The following PTPRK variants were observed in gnomAD, a reference collection of about 807,000 sequenced individuals.
PTPRK encodes protein tyrosine phosphatase receptor type K.
Under a neutral mutation model 178.0 loss-of-function variants are expected in PTPRK, and 75 were observed. The ratio of observed to expected loss-of-function variants is 0.42; its 90% confidence interval spans 0.35 to 0.51. PTPRK has a LOEUF of 0.51. Among genes scored for constraint, PTPRK ranks in the 20% least tolerant of loss-of-function variants. PTPRK has a pLI of 0.02. For synonymous variants in PTPRK, 637 were observed against 620.6 expected, an observed-to-expected ratio of 1.03 and a Z score of -0.39; for missense variants, 1,441 against 1,797.8, an observed-to-expected ratio of 0.80 and a Z score of 3.59.
intron 14 of PTPRK, among the ~76,000 whole-genome samples, chr6:128,006,256 G>T (rs910867486): frequency 1.3e-5 from 2 of 150,838 alleles, no homozygotes; most frequent in Non-Finnish European, 3.0e-5. Context: ...AGACAGATAT[G>T]CAATATAAAA....
chr6:128,029,516 T>C (rs2114790945), intron 13 of PTPRK, among the ~76,000 whole-genome samples: 1 of 151,778 alleles, frequency 6.6e-6, no homozygotes, highest in South Asian at 2.1e-4. Context: ...CTGGACAGGG[T>C]GGCGGGCACC....
At chr6:128,204,356 G>A (rs1478662588) in intron 6 of PTPRK, among the ~76,000 whole-genome samples, 1 of 152,100 alleles carries the variant, frequency 6.6e-6, no homozygotes, top group Non-Finnish European at 1.5e-5. Flanking sequence ...TCAGGACATA[G>A]GCATGGATAA....
chr6:128,052,423 G>A (rs1405389006), intron 13 of PTPRK, among the ~76,000 whole-genome samples: 2 of 151,922 alleles, frequency 1.3e-5, no homozygotes, highest in South Asian at 2.1e-4. Flanking sequence ...TATCTCTTTG[G>A]TCCCCTTCAG....
rs547806261 is a variant in PTPRK at position 128,166,887 on chromosome 6, A to C, written c.1162+17545T>G. On this transcript the variant is annotated intron_variant, in intron 7 of 29. Transcript: ENST00000368226. The stretch of plus-strand genomic sequence containing the variant: ...CCTATGTAAATATGTAAATAAAATA[A>C]AGGCCAGTTGAATAACATTTTATAT... 2.5e-4 allele frequency among the ~76,000 whole-genome samples: 38 copies of C among 151,928 alleles called. 2 individuals are homozygous for C. In the South Asian group the frequency reaches 7.9e-3, roughly 32 times the overall value.
At chr6:128,455,497 C>T (rs1848282018) in intron 1 of PTPRK, among the ~76,000 whole-genome samples, 1 of 152,090 alleles carries the variant, frequency 6.6e-6, no homozygotes, top group Non-Finnish European at 1.5e-5. Context: ...AAAGCATAAG[C>T]AGCATATCCT....
chr6:128,371,308 C>A (rs1319061047), intron 2 of PTPRK, among the ~76,000 whole-genome samples: 1 of 152,068 alleles, frequency 6.6e-6, no homozygotes, highest in Non-Finnish European at 1.5e-5. Flanking sequence ...CAATATCAAT[C>A]AAATGAAACA....
At chr6:128,181,838 T>C (rs979333575) in intron 7 of PTPRK, among the ~76,000 whole-genome samples, 5 of 152,128 alleles carry the variant, frequency 3.3e-5, no homozygotes, top group African/African-American at 1.2e-4. Context: ...CTGTATTTAA[T>C]TATACTATAT....
intron 1 of PTPRK, among the ~76,000 whole-genome samples, chr6:128,464,651 A>ATATATATATG (rs1849585913): frequency 2.0e-5 from 2 of 98,220 alleles, no homozygotes; most frequent in Non-Finnish European, 4.0e-5. Flanking sequence ...ATATATATAT[A>ATATATATATG]TATATATATA....
chr6:128,019,591 C>T (rs1013140356), intron 13 of PTPRK, among the ~76,000 whole-genome samples: 18 of 151,534 alleles, frequency 1.2e-4, no homozygotes, highest in African/African-American at 3.9e-4. Context: ...ACAAAGAAAA[C>T]ATTTACTTTT....
intron 1 of PTPRK, among the ~76,000 whole-genome samples, chr6:128,487,301 G>A (rs1853085034): frequency 6.6e-6 from 1 of 150,902 alleles, no homozygotes; most frequent in African/African-American, 2.4e-5. Flanking sequence ...CTCCAGGACT[G>A]TGTTGGGCTT....
At position 127,981,212 on chromosome 6, in the gene PTPRK, G is replaced by A. The variant is rs1775304036; in HGVS notation, c.3615C>T (p.Asn1205=). 6.2e-7 allele frequency: 1 copy of A among 1,613,542 alleles called. No individual in the cohort carries two copies. The highest frequency in any genetic ancestry group is 1.3e-5 in the African/African-American group (1 of 74,854). Residue 1205 remains asparagine, a synonymous_variant, in exon 25 of 30, where the codon AAC becomes AAT. Transcript: ENST00000368226. ...CAGGTGGCAGCATGTCCATGAAACG[G>A]TTCTTGTCATGGTTCCTTGGCAGGC... ...IACLPRNHDK[N]RFMDMLPPDR... is the part of the protein sequence containing the mutation.
intron 13 of PTPRK, among the ~76,000 whole-genome samples, chr6:128,023,699 G>A (rs986713254): frequency 6.6e-6 from 1 of 151,992 alleles, no homozygotes; most frequent in African/African-American, 2.4e-5. Flanking sequence ...TGTCTCCAGG[G>A]CTAGAGTGCA....
intron 3 of PTPRK, among the ~76,000 whole-genome samples, chr6:128,297,828 G>C (rs150363711): frequency 0.021 from 3,171 of 152,144 alleles, 106 homozygotes; most frequent in African/African-American, 0.073. Flanking sequence ...AGAGAAGCAA[G>C]AGCAAACACA....
intron 13 of PTPRK, among the ~76,000 whole-genome samples, chr6:128,049,303 T>C (rs1011116341): frequency 4.6e-5 from 7 of 152,176 alleles, no homozygotes; most frequent in African/African-American, 1.7e-4. Flanking sequence ...ACAACCAAAG[T>C]AGTTTCAAAA....
chr6:128,173,948 C>T (rs34612271), intron 7 of PTPRK, among the ~76,000 whole-genome samples: 4,448 of 150,436 alleles, frequency 0.03, 90 homozygotes, highest in South Asian at 0.11. Context: ...AATGTATTCC[C>T]TTACATAAAA....
chr6:128,071,431 A>T (rs1175195406), intron 11 of PTPRK, among the ~76,000 whole-genome samples: 1 of 151,960 alleles, frequency 6.6e-6, no homozygotes, highest in African/African-American at 2.4e-5. Context: ...TTTCTATAAC[A>T]TCACCCAGAA....
At chr6:128,135,328 G>C (rs566657226) in intron 7 of PTPRK, among the ~76,000 whole-genome samples, 4 of 152,274 alleles carry the variant, frequency 2.6e-5, no homozygotes, top group South Asian at 2.1e-4. Context: ...GGTTGAAGGA[G>C]AGGGCTGGAC....
chr6:128,246,404 G>A (rs1431791812), intron 3 of PTPRK, among the ~76,000 whole-genome samples: 1 of 151,560 alleles, frequency 6.6e-6, no homozygotes, highest in Non-Finnish European at 1.5e-5. Context: ...TTGAGGCCTT[G>A]ATTTAAAAGG....
At chr6:128,479,084 T>G (rs1312544052) in intron 1 of PTPRK, among the ~76,000 whole-genome samples, 1 of 151,848 alleles carries the variant, frequency 6.6e-6, no homozygotes, top group African/African-American at 2.4e-5. Context: ...TCTACTAGAG[T>G]GTAGCTGGTA....
Sources: gnomAD v4.1 joint callset for allele counts (sites outside exome capture counted in the v4.1 genomes callset) on GRCh38, gnomAD v4.1.1 for gene constraint, MANE v1.5 for transcripts, NCBI Gene and HGNC (gene_info 2026-07-23, HGNC 2026-07-21) for gene names.